Variants in HTR1F observed in about 807,000 individuals in gnomAD.
HTR1F encodes the protein 5-hydroxytryptamine receptor 1F, also known as 5-hydroxytryptamine (serotonin) receptor 1F, G protein-coupled.
A neutral mutation model predicts 24.0 loss-of-function variants in HTR1F; 17 were observed. The ratio of observed to expected loss-of-function variants is 0.71; its 90% confidence interval spans 0.48 to 1.06. The LOEUF is 1.06. Ranked by LOEUF, HTR1F falls within the 50% of genes least tolerant of loss-of-function variation. The probability of loss-of-function intolerance (pLI) is 0.00; values close to 1 mark genes in which losing one functional copy is unlikely to be tolerated. For missense variants in HTR1F, 391 were observed against 427.8 expected (o/e 0.91, Z 0.76); for synonymous variants, 186 against 156.8 (o/e 1.19, Z -1.39).
intron 1 of HTR1F, among the ~76,000 whole-genome samples, chr3:87,814,831 G>T (rs1209811504): frequency 6.6e-6 from 1 of 152,094 alleles, no homozygotes; most frequent in Non-Finnish European, 1.5e-5. Context: ...ATTAGTAAGG[G>T]AATGATATGG....
At chr3:87,836,555 G>A (rs1704687688) in intron 2 of HTR1F, among the ~76,000 whole-genome samples, 1 of 152,074 alleles carries the variant, frequency 6.6e-6, no homozygotes, top group Non-Finnish European at 1.5e-5. Context: ...ATTTCTTAAT[G>A]TTTTAAATTT....
At chr3:87,854,281 G>T (rs1020003420) in intron 2 of HTR1F, among the ~76,000 whole-genome samples, 1 of 151,550 alleles carries the variant, frequency 6.6e-6, no homozygotes, top group Admixed American at 6.6e-5. Flanking sequence ...TTGATTTTCT[G>T]TTTTCTTGAA....
At chr3:87,893,639 C>T (rs978500604) in intron 2 of HTR1F, among the ~76,000 whole-genome samples, 3 of 152,220 alleles carry the variant, frequency 2.0e-5, no homozygotes, top group African/African-American at 7.2e-5. Flanking sequence ...CTATTTAATG[C>T]TAGTGCAAAT....
chr3:87,907,312 C>T (rs1187752241), intron 2 of HTR1F, among the ~76,000 whole-genome samples: 1 of 151,074 alleles, frequency 6.6e-6, no homozygotes, highest in Admixed American at 6.6e-5. Context: ...TGTTCATTGG[C>T]CATTTGTATA....
intron 2 of HTR1F, among the ~76,000 whole-genome samples, chr3:87,846,171 G>C (rs530082512): frequency 1.6e-4 from 24 of 152,088 alleles, no homozygotes; most frequent in Non-Finnish European, 3.2e-4. Context: ...GGTGGCTCAC[G>C]CCTGTAATCC....
chr3:87,898,077 T>C (rs545191377), intron 2 of HTR1F, among the ~76,000 whole-genome samples: 2 of 152,222 alleles, frequency 1.3e-5, no homozygotes, highest in South Asian at 4.1e-4. Context: ...GAAAAATAGA[T>C]GCATGTACAA....
chr3:87,821,512 G>A (rs1170331668), intron 1 of HTR1F, among the ~76,000 whole-genome samples: 2 of 152,234 alleles, frequency 1.3e-5, no homozygotes, highest in East Asian at 3.9e-4. Context: ...TTGATATTGT[G>A]ATGTCCCTTA....
chr3:87,883,236 G>A (rs1335575904), intron 2 of HTR1F, among the ~76,000 whole-genome samples: 5 of 152,164 alleles, frequency 3.3e-5, no homozygotes, highest in Admixed American at 6.5e-5. Flanking sequence ...CGACCTGACT[G>A]TTGAAAGGAA....
chr3:87,875,732 G>T lies in HTR1F; in HGVS notation c.-43+53608G>T, dbSNP rs185695588. 3.9e-3 allele frequency among the ~76,000 whole-genome samples: 590 copies of T among 151,860 alleles called. 7 individuals are homozygous for T. The highest frequency in any genetic ancestry group is 0.013 in the African/African-American group (559 of 41,420). On this transcript the variant is annotated intron_variant, in intron 2 of 2. Transcript: ENST00000319595. ...AAGGTCAGGAGATTGAGACCATCCT[G>T]GCTAACACGGTGAAACCCCATCTCT... is the stretch of plus-strand genomic sequence containing the variant.
At chr3:87,799,516 GTATT>G (rs1703960531) in intron 1 of HTR1F, among the ~76,000 whole-genome samples, 1 of 152,128 alleles carries the variant, frequency 6.6e-6, no homozygotes, top group Admixed American at 6.6e-5. Context: ...TTTTAATTAG[GTATT>G]TATTCTCAGC....
At chr3:87,860,256 A>G (rs1378921922) in intron 2 of HTR1F, among the ~76,000 whole-genome samples, 3 of 152,226 alleles carry the variant, frequency 2.0e-5, no homozygotes, top group African/African-American at 4.8e-5. Context: ...TCTTTTCTAG[A>G]TCGGAAGCAA....
At chr3:87,793,283 C>T (rs559840779) in intron 1 of HTR1F, 3 of 152,058 alleles carry the variant, frequency 2.0e-5, no homozygotes, top group African/African-American at 7.2e-5. Flanking sequence ...AGGGGAGAGT[C>T]TTCGAATCCA....
chr3:87,965,351 A>G (rs1023376916), intron 2 of HTR1F, among the ~76,000 whole-genome samples: 2 of 152,204 alleles, frequency 1.3e-5, no homozygotes, highest in Non-Finnish European at 1.5e-5. Flanking sequence ...ATGTTTCAAA[A>G]TCTGTTTGAT....
chr3:87,977,780 G>C (rs1454410025), intron 2 of HTR1F, among the ~76,000 whole-genome samples: 1 of 151,880 alleles, frequency 6.6e-6, no homozygotes, highest in Non-Finnish European at 1.5e-5. Context: ...TATTATGTGG[G>C]GGAGTCACTT....
intron 2 of HTR1F, among the ~76,000 whole-genome samples, chr3:87,884,563 TAA>T (rs1391484036): frequency 1.3e-5 from 2 of 152,100 alleles, no homozygotes; most frequent in Non-Finnish European, 1.5e-5. Flanking sequence ...GCAAATTGGA[TAA>T]AGAGTCAAGA....
intron 2 of HTR1F, among the ~76,000 whole-genome samples, chr3:87,944,191 C>A (rs1704640684): frequency 6.6e-6 from 1 of 152,140 alleles, no homozygotes. Context: ...TGCCTTTGTG[C>A]TCAGGGGTGA....
chr3:87,896,236 A>G (rs1320693686), intron 2 of HTR1F, among the ~76,000 whole-genome samples: 2 of 152,154 alleles, frequency 1.3e-5, no homozygotes, highest in African/African-American at 2.4e-5. Context: ...TGCTCAATGC[A>G]TACACCAATA....
At chr3:87,869,420 G>GATACATAC (rs1305333411) in intron 2 of HTR1F, among the ~76,000 whole-genome samples, 2,805 of 136,178 alleles carry the variant, frequency 0.021, 119 homozygotes, top group African/African-American at 0.078. Flanking sequence ...TAGATAGATA[G>GATACATAC]ATAGATAGAT....
chr3:87,838,821 T>TAAA (rs1229846099), intron 2 of HTR1F, among the ~76,000 whole-genome samples: 1 of 140,936 alleles, frequency 7.1e-6, no homozygotes, highest in Non-Finnish European at 1.6e-5. Flanking sequence ...ACTTCCTTCC[T>TAAA]AAAAAAAAAA....
Sources: allele counts gnomAD v4.1 joint callset (sites outside exome capture counted in the v4.1 genomes callset), GRCh38; gene constraint gnomAD v4.1.1; transcripts MANE v1.5; gene names NCBI Gene and HGNC (gene_info 2026-07-23, HGNC 2026-07-21).